The following ATP1A3 variants were observed in gnomAD, a reference collection of about 807,000 sequenced individuals.
ATP1A3 encodes the protein sodium/potassium-transporting ATPase subunit alpha-3.
Under a neutral mutation model 108.8 loss-of-function variants are expected in ATP1A3, and 12 were observed. The observed-to-expected ratio is 0.11, with a 90% CI of 0.07 to 0.18. The LOEUF (loss-of-function observed/expected upper bound fraction) is 0.18, where lower values mean the gene tolerates loss of function less well. ATP1A3 is among the 10% of genes least tolerant of loss of function. The probability of loss-of-function intolerance (pLI) is 1.00; values close to 1 mark genes in which losing one functional copy is unlikely to be tolerated. For missense variants in ATP1A3, 498 were observed against 1,387.7 expected, an observed-to-expected ratio of 0.36 and a Z score of 10.19; for synonymous variants, 539 against 564.5, an observed-to-expected ratio of 0.95 and a Z score of 0.64.
chr19:41,993,375 T>C, intron 1 of ATP1A3: 1 of 1,535,284 alleles, frequency 6.5e-7, no homozygotes, highest in Non-Finnish European at 8.7e-7. Flanking sequence ...CCCTCAGCTG[T>C]GCACTCAGTC....
At chr19:41,972,114 G>T (rs1336706009) in intron 16 of ATP1A3, among the ~76,000 whole-genome samples, 1 of 152,082 alleles carries the variant, frequency 6.6e-6, no homozygotes, top group Non-Finnish European at 1.5e-5. Context: ...GCTGGGCGTG[G>T]TGGTGGGCAC....
chr19:41,989,738 ATC>A (rs1555866710), intron 1 of ATP1A3, among the ~76,000 whole-genome samples: 2 of 150,826 alleles, frequency 1.3e-5, no homozygotes, highest in African/African-American at 2.4e-5. Context: ...TTGTTTCATC[ATC>A]TCTCTGTCTC....
In ATP1A3 at chr19:41,970,670, T is replaced by C. The variant is rs185832810; in HGVS notation, c.2264-128A>G. 1.5e-3 allele frequency: 1,796 copies of C among 1,170,746 alleles called. 9 individuals carry two copies. Among genetic ancestry groups the C allele is most frequent in the East Asian group, 2.5e-3 (96 of 38,090 alleles). The allele number at this position is 1,170,746 out of a possible 1,614,324, so 72.5% of individuals were successfully genotyped here. ...TTTTTGAGACAGAGTCTCGCTGTGT[T>C]GCCCAGGCTGGAGTGCAGTGGTGCG... On this transcript the variant is annotated intron_variant, in intron 16 of 22. Transcript: ENST00000648268.
rs1204439128 is a variant in ATP1A3 at position 41,968,865 on chromosome 19, A to G, written c.2739T>C (p.Phe913=). 1 of 1,614,024 alleles carries G rather than the reference A, an allele frequency of 6.2e-7. No individual in the cohort carries two copies. The highest frequency in any genetic ancestry group is 8.5e-7 in the Non-Finnish European group (1 of 1,179,978). The change falls in exon 20 of 23, where the codon TTT becomes TTC. Residue 913 remains phenylalanine, a synonymous_variant. Transcript: ENST00000648268. This position sits in a 1 kb window ranked among gnomAD's most constrained non-coding sequence, Gnocchi z 5.0. Reference sequence around the variant, plus strand: ...CCCACTGGACGACAACGATGCTCACAAAGAAGGCCGTGTGGCAGGTGAACT... The same window carrying G: ...CCCACTGGACGACAACGATGCTCACGAAGAAGGCCGTGTGGCAGGTGAACT... The part of the protein sequence containing the change: ...VVEFTCHTAF[F]VSIVVVQWAD...
At chr19:41,972,985 C>T (rs2075129886) in intron 16 of ATP1A3, among the ~76,000 whole-genome samples, 1 of 152,152 alleles carries the variant, frequency 6.6e-6, no homozygotes, top group African/African-American at 2.4e-5. Context: ...TCTTGCATAG[C>T]AATAAGGGCC....
In ATP1A3 at chr19:41,985,914, C is replaced by T; in HGVS notation, c.556G>A (p.Gly186Arg). The change falls in exon 6 of 23, where the codon GGA becomes AGA. Residue 186 changes from glycine to arginine, a missense_variant. This residue lies in a region of ATP1A3 where 127 missense variants were observed against 464.0 expected (regional missense o/e 0.27). Coordinates refer to ENST00000648268, the MANE Select transcript of ATP1A3 (RefSeq NM_152296.5). This position sits in a 1 kb window ranked among gnomAD's most constrained non-coding sequence, Gnocchi z 8.2. The stretch of plus-strand genomic sequence containing the variant: ...CGCAGGTCAGCTGGCACTCGGTCTC[C>T]ACCCTTGATCTCCACCAGGTCCCCG... Reference protein sequence around the residue: ...VVGDLVEIKGGDRVPADLRII... With the variant: ...VVGDLVEIKGRDRVPADLRII... 2 of 1,614,164 alleles carry T rather than the reference C, an allele frequency of 1.2e-6. No homozygotes were observed. The highest frequency in any genetic ancestry group is 1.7e-6 in the Non-Finnish European group (2 of 1,180,016).
intron 1 of ATP1A3, among the ~76,000 whole-genome samples, chr19:41,989,940 C>T (rs1447549432): frequency 2.0e-5 from 3 of 152,054 alleles, no homozygotes; most frequent in Admixed American, 6.6e-5. Flanking sequence ...ATCTCTGGTT[C>T]TTTGTCTCTC....
chr19:41,984,810 C>T (rs1462756103), intron 8 of ATP1A3, 108 bp downstream of exon 8: 7 of 1,339,126 alleles, frequency 5.2e-6, no homozygotes, highest in Non-Finnish European at 7.1e-6. Flanking sequence ...GGCCTCTAGC[C>T]CCTCCTCCCT....
chr19:41,970,432 G>A lies in ATP1A3; in HGVS notation c.2374C>T (p.Leu792=). The A allele has an allele frequency of 6.2e-7, 1 of 1,614,162 alleles. No homozygotes were observed. Among genetic ancestry groups the A allele is most frequent in the Non-Finnish European group, 8.5e-7 (1 of 1,180,020 alleles). ...ATGCAGAGGATGGTGATGGTGCCCA[G>A]GGGCAGCGGGATGTTGGCCATGATG... ...LFIMANIPLP[L]GTITILCIDL... Residue 792 remains leucine (L), a synonymous_variant, in exon 17 of 23, where the codon CTG becomes TTG. Transcript: ENST00000648268.
chr19:41,967,076 A>C lies in ATP1A3; in HGVS notation c.3014-111T>G. ...AGAGAGGGAGAGAGACAAGGAAACC[A>C]CACAGACAGAGACCCGTGAGAAGAC... is the stretch of plus-strand genomic sequence containing the variant. On this transcript the variant is annotated intron_variant, in intron 22 of 22. Coordinates refer to ENST00000648268, the MANE Select transcript of ATP1A3 (RefSeq NM_152296.5). The surrounding 1 kb of genome is among the most constrained non-coding windows in gnomAD (Gnocchi z 4.2). 1 of 1,551,762 alleles carries C rather than the reference A, an allele frequency of 6.4e-7. No individual in the cohort carries two copies. The highest frequency in any genetic ancestry group is 8.7e-7 in the Non-Finnish European group (1 of 1,147,012).
At chr19:41,980,192 T>C (rs1408157192) in intron 11 of ATP1A3, among the ~76,000 whole-genome samples, 1 of 152,236 alleles carries the variant, frequency 6.6e-6, no homozygotes, top group Non-Finnish European at 1.5e-5. Context: ...CTCATGCCTT[T>C]GTTATTGTCT....
At chr19:41,983,504 G>A (rs191316480) in intron 8 of ATP1A3, among the ~76,000 whole-genome samples, 67 of 151,186 alleles carry the variant, frequency 4.4e-4, no homozygotes, top group Non-Finnish European at 5.6e-4. Flanking sequence ...GCTGTCAGGC[G>A]GAACCTCACA....
chr19:41,986,548 C>A (rs186249224), intron 4 of ATP1A3: 3 of 336,686 alleles, frequency 8.9e-6, no homozygotes, highest in Non-Finnish European at 1.7e-5. Context: ...TTCAAGCGAT[C>A]CTCCTGCCTC....
In ATP1A3 at chr19:41,967,139, G is replaced by A. The variant is rs2075051199; in HGVS notation, c.3013+110C>T. ...CGGAGAGATGGGAAGAGAGAGAAGA[G>A]TGGGAACCAGGTGGCAGAGCCATCC... On this transcript the variant is annotated intron_variant, in intron 22 of 22. Transcript: ENST00000648268. The surrounding 1 kb of genome is among the most constrained non-coding windows in gnomAD (Gnocchi z 4.2). 6.4e-7 allele frequency: 1 copy of A among 1,573,900 alleles called. No homozygotes were observed. The highest frequency in any genetic ancestry group is 8.6e-7 in the Non-Finnish European group (1 of 1,159,828).
chr19:41,972,282 T>G (rs781946485), intron 16 of ATP1A3, among the ~76,000 whole-genome samples: 4 of 151,668 alleles, frequency 2.6e-5, no homozygotes, highest in Admixed American at 6.6e-5. Context: ...TAAACATTAG[T>G]CAGGCACGGT....
In ATP1A3 at chr19:41,967,816, G is replaced by T; in HGVS notation, c.2820-53C>A. 1 of 1,536,556 alleles carries T rather than the reference G, an allele frequency of 6.5e-7. No homozygotes were observed. The highest frequency in any genetic ancestry group is 9.0e-7 in the Non-Finnish European group (1 of 1,116,470). ...CCCAGAGAGCACCCACCCTGCACCT[G>T]CCACCCCGCAGAGACAGGGGGAGGC... On this transcript the variant is annotated intron_variant, in intron 20 of 22. Coordinates refer to ENST00000648268, the MANE Select transcript of ATP1A3 (RefSeq NM_152296.5). This position sits in a 1 kb window ranked among gnomAD's most constrained non-coding sequence, Gnocchi z 4.2.
chr19:41,976,874 G>A (rs944613959), intron 14 of ATP1A3, among the ~76,000 whole-genome samples: 4 of 151,702 alleles, frequency 2.6e-5, no homozygotes, highest in Non-Finnish European at 5.9e-5. Flanking sequence ...GCGCAATCTC[G>A]GCTCACTGCA....
In ATP1A3 at chr19:41,981,472, A is replaced by G. The variant is rs1173144477; in HGVS notation, c.1437+30T>C. ...AGGCGTCATAAGGAACCTGAGGTCC[A>G]GGCTGGCTCTCCCGGAAAGCCCAGA... On this transcript the variant is annotated intron_variant, in intron 11 of 22. Transcript: ENST00000648268. This position sits in a 1 kb window ranked among gnomAD's most constrained non-coding sequence, Gnocchi z 5.0. 2.0e-5 allele frequency: 33 copies of G among 1,614,064 alleles called. No individual in the cohort carries two copies. Among genetic ancestry groups the G allele is most frequent in the African/African-American group, 4.0e-5 (3 of 74,932 alleles).
At position 41,988,232 on chromosome 19, in the gene ATP1A3, A is replaced by G; in HGVS notation, c.153+86T>C. The G allele has an allele frequency of 6.2e-7, 1 of 1,612,100 alleles. No homozygotes were observed. The highest frequency in any genetic ancestry group is 8.5e-7 in the Non-Finnish European group (1 of 1,178,292). ...CCCCAGAACTTAAGACACCAGCCAC[A>G]GCCCCTCCTCCCTCAGACCCAGGGG... On this transcript the variant is annotated intron_variant, in intron 3 of 22. Coordinates refer to ENST00000648268, the MANE Select transcript of ATP1A3 (RefSeq NM_152296.5). The surrounding 1 kb of genome is among the most constrained non-coding windows in gnomAD (Gnocchi z 5.3).
Sources: allele counts gnomAD v4.1 joint callset (sites outside exome capture counted in the v4.1 genomes callset), GRCh38; gene constraint gnomAD v4.1.1; regional missense constraint gnomAD v4.1.1; non-coding constraint Gnocchi (gnomAD v3.1); transcripts MANE v1.5; gene names NCBI Gene and HGNC (gene_info 2026-07-23, HGNC 2026-07-21).